The following NCAM2 variants were observed in gnomAD, a reference collection of about 807,000 sequenced individuals.
NCAM2 encodes neural cell adhesion molecule 2, also known as N-CAM-2.
Under a neutral mutation model 98.1 loss-of-function variants are expected in NCAM2, and 30 were observed. The observed-to-expected ratio is 0.31, with a 90% CI of 0.23 to 0.41. The LOEUF is 0.41. NCAM2 is among the 10% of genes least tolerant of loss of function. The pLI, the probability that NCAM2 is intolerant of heterozygous loss-of-function variation, is 1.00. For missense variants in NCAM2, 867 were observed against 1,005.8 expected (o/e 0.86, Z 1.87); for synonymous variants, 368 against 342.4 (o/e 1.07, Z -0.83).
At chr21:21,185,064 T>C (rs1243621473) in intron 1 of NCAM2, among the ~76,000 whole-genome samples, 1 of 152,178 alleles carries the variant, frequency 6.6e-6, no homozygotes, top group Non-Finnish European at 1.5e-5. Context: ...TAATGATACA[T>C]TTCCCAGACA....
intron 9 of NCAM2, among the ~76,000 whole-genome samples, chr21:21,399,273 T>C (rs2076579076): frequency 6.6e-6 from 1 of 152,244 alleles, no homozygotes. Context: ...CATGTAAGAA[T>C]GGATAAAGGC....
At chr21:21,432,014 T>G (rs868552360) in intron 11 of NCAM2, 94 bp from the exon 12 acceptor site, 1 of 1,116,990 alleles carries the variant, frequency 9.0e-7, no homozygotes, top group South Asian at 2.0e-5. Context: ...GGTAGCAGTT[T>G]TCCTTCACTC....
chr21:21,277,256 T>A (rs1417022230), intron 1 of NCAM2, among the ~76,000 whole-genome samples: 1 of 152,090 alleles, frequency 6.6e-6, no homozygotes, highest in East Asian at 1.9e-4. Context: ...TCATATATTA[T>A]TAGTTTGGGA....
rs3071992 is a variant in NCAM2, at chr21:21,116,015, TTGTGTGTGTGTG to T, written c.55+117417_55+117428del. ...TGTCTGTCTGTCTTTCATGCTGAGA[TTGTGTGTGTGTG>T]TGTGTGTGTGTGTGTGTGTCTTTCA... is the stretch of plus-strand genomic sequence containing the variant. On this transcript the variant is annotated intron_variant, in intron 1 of 17. Coordinates refer to ENST00000400546, the MANE Select transcript of NCAM2 (RefSeq NM_004540.5). Among the ~76,000 whole-genome samples, 564 of 146,198 alleles carry T rather than the reference TTGTGTGTGTGTG, an allele frequency of 3.9e-3. 2 individuals are homozygous for T. The highest frequency in any genetic ancestry group is 0.013 in the African/African-American group (525 of 39,208).
At position 21,540,306 on chromosome 21, in the gene NCAM2, T is replaced by C. The variant is rs1990182323; in HGVS notation, c.*2349T>C. On this transcript the variant is annotated 3_prime_UTR_variant, in exon 18 of 18. Coordinates refer to ENST00000400546, the MANE Select transcript of NCAM2 (RefSeq NM_004540.5). ...ACACATATATATACATATATATATA[T>C]GATGTTAAATTTCCTGCCACTCATG... is the stretch of plus-strand genomic sequence containing the variant. 1 of 144,242 alleles carries C rather than the reference T, an allele frequency of 6.9e-6. No homozygotes were observed. The highest frequency in any genetic ancestry group is 2.6e-5 in the African/African-American group (1 of 38,816). The allele number at this position is 144,242 out of a possible 1,614,324, so 8.9% of individuals were successfully genotyped here.
intron 1 of NCAM2, among the ~76,000 whole-genome samples, chr21:21,065,592 G>A (rs1316130769): frequency 6.6e-6 from 1 of 152,088 alleles, no homozygotes; most frequent in Non-Finnish European, 1.5e-5. Context: ...CATTAAAAAT[G>A]ACGCCTTGAA....
intron 1 of NCAM2, among the ~76,000 whole-genome samples, chr21:21,004,859 A>G (rs993029973): frequency 3.9e-5 from 6 of 152,156 alleles, no homozygotes; most frequent in Non-Finnish European, 7.4e-5. Context: ...GGGTTTGCAT[A>G]TGGGACATGT....
chr21:21,284,312 A>G lies in NCAM2; in HGVS notation c.249A>G (p.Ala83=). 1 of 1,612,212 alleles carries G rather than the reference A, an allele frequency of 6.2e-7. No homozygotes were observed. The highest frequency in any genetic ancestry group is 8.5e-7 in the Non-Finnish European group (1 of 1,178,528). Residue 83 remains alanine, a synonymous_variant, in exon 3 of 18, where the codon GCA becomes GCG. Coordinates refer to ENST00000400546, the MANE Select transcript of NCAM2 (RefSeq NM_004540.5). ...GGTCACGGTTAACCATCTACAATGC[A>G]AATATAGAAGATGCAGGGATATATC... ...GVRSRLTIYN[A]NIEDAGIYRC... is the part of the protein sequence containing the mutation.
In NCAM2 at chr21:21,338,521, C is replaced by T. The variant is rs781681567; in HGVS notation, c.1031C>T (p.Thr344Ile). 1 of 1,609,762 alleles carries T rather than the reference C, an allele frequency of 6.2e-7. No homozygotes were observed. Among genetic ancestry groups the T allele is most frequent in the South Asian group, 1.1e-5 (1 of 90,594 alleles). Residue 344 changes from threonine to isoleucine, a missense_variant, in exon 8 of 18, where the codon ACT becomes ATT. Around this residue, in one of 5 missense-constraint regions of NCAM2, gnomAD observed 447 missense variants for 495.7 expected, o/e 0.90. Transcript: ENST00000400546. Reference protein sequence around the residue: ...WKRAVDGFTFTEGDKSLDGRI... With the variant: ...WKRAVDGFTFIEGDKSLDGRI... Reference sequence around the variant, plus strand: ...AGAGCTGTGGATGGCTTCACGTTCACTGAAGGCGATAAGGTAACCACATCT... The same window carrying T: ...AGAGCTGTGGATGGCTTCACGTTCATTGAAGGCGATAAGGTAACCACATCT...
At chr21:21,348,861 G>T (rs540949859) in intron 8 of NCAM2, among the ~76,000 whole-genome samples, 2 of 152,078 alleles carry the variant, frequency 1.3e-5, no homozygotes, top group Admixed American at 6.6e-5. Flanking sequence ...AATAAATGGC[G>T]CTGGGGAAAC....
At chr21:21,384,437 T>G (rs924895809) in intron 9 of NCAM2, among the ~76,000 whole-genome samples, 6 of 151,908 alleles carry the variant, frequency 3.9e-5, no homozygotes, top group Non-Finnish European at 5.9e-5. Context: ...ATCTAGATTC[T>G]TATAGTATTT....
chr21:21,049,591 G>A (rs2065066272), intron 1 of NCAM2, among the ~76,000 whole-genome samples: 1 of 151,704 alleles, frequency 6.6e-6, no homozygotes, highest in African/African-American at 2.4e-5. Context: ...ATTGTTGTTA[G>A]CCAGGCGTGG....
At chr21:21,162,291 C>G (rs2146786944) in intron 1 of NCAM2, among the ~76,000 whole-genome samples, 1 of 152,042 alleles carries the variant, frequency 6.6e-6, no homozygotes, top group African/African-American at 2.4e-5. Context: ...TTCAAAACCA[C>G]TTTATAGAAT....
At chr21:21,327,465 T>C (rs1030207380) in intron 6 of NCAM2, among the ~76,000 whole-genome samples, 1 of 152,104 alleles carries the variant, frequency 6.6e-6, no homozygotes, top group African/African-American at 2.4e-5. Flanking sequence ...AGCAATCCTT[T>C]TTTGTTTGTT....
intron 9 of NCAM2, among the ~76,000 whole-genome samples, chr21:21,403,873 T>C (rs1036008799): frequency 3.9e-5 from 6 of 152,148 alleles, no homozygotes; most frequent in African/African-American, 1.4e-4. Context: ...TATTGTAGCA[T>C]TGAAATATGT....
At chr21:21,418,335 T>A in intron 10 of NCAM2, 138 bp from the exon 11 acceptor site, 1 of 631,076 alleles carries the variant, frequency 1.6e-6, no homozygotes, top group African/African-American at 1.8e-5. Flanking sequence ...GCTTACTTAA[T>A]AAAGAAAATT....
intron 7 of NCAM2, 125 bp from the exon 8 acceptor site, chr21:21,338,264 T>C (rs1415557974): frequency 5.5e-6 from 5 of 906,064 alleles, no homozygotes; most frequent in Non-Finnish European, 8.0e-6. Context: ...AGCAGGCCAC[T>C]GTAATTCTAC....
chr21:21,221,093 A>G (rs2070130004), intron 1 of NCAM2, among the ~76,000 whole-genome samples: 1 of 151,982 alleles, frequency 6.6e-6, no homozygotes, highest in Non-Finnish European at 1.5e-5. Context: ...GTGATCTTTG[A>G]AGATAAAATT....
intron 1 of NCAM2, among the ~76,000 whole-genome samples, chr21:21,163,513 CA>C (rs1204045894): frequency 6.6e-6 from 1 of 151,894 alleles, no homozygotes; most frequent in Admixed American, 6.6e-5. Context: ...TTGTTAGATT[CA>C]AAACATTGAA....
Sources: allele counts gnomAD v4.1 joint callset (sites outside exome capture counted in the v4.1 genomes callset), GRCh38; gene constraint gnomAD v4.1.1; regional missense constraint gnomAD v4.1.1; transcripts MANE v1.5; gene names NCBI Gene and HGNC (gene_info 2026-07-23, HGNC 2026-07-21).